FAM133A: variants seen among roughly 807,000 people sequenced by gnomAD.
The protein encoded by FAM133A is protein FAM133A.
For synonymous variants in FAM133A, 65 were observed against 58.6 expected, an observed-to-expected ratio of 1.11 and a Z score of -0.50; for missense variants, 159 against 164.4, an observed-to-expected ratio of 0.97 and a Z score of 0.18.
chrX:93,690,413 C>T (rs1925808930), intron 2 of FAM133A, among the ~76,000 whole-genome samples: 1 of 111,454 alleles, frequency 9.0e-6, no homozygotes, highest in Non-Finnish European at 1.9e-5. Flanking sequence ...AGCAAACACT[C>T]TTCTGTTTTC....
At chrX:93,685,023 G>A (rs889487815) in intron 2 of FAM133A, among the ~76,000 whole-genome samples, 1 of 111,735 alleles carries the variant, frequency 8.9e-6, no homozygotes, top group African/African-American at 3.3e-5. Flanking sequence ...TTTATGCATC[G>A]TTGTTCTTTC....
Position 93,709,842 on chromosome X carries a change from A to G in FAM133A, c.423A>G (p.Ser141=). ...AAAAGAAGAACCGTTCATACAAATC[A>G]TCCCAAAGCTCTACGCATGAATCAG... is the stretch of plus-strand genomic sequence containing the variant. ...RKKKKNRSYK[S]SQSSTHESES... is the part of the protein sequence containing the mutation. Residue 141 remains serine (S), a synonymous_variant, in exon 4 of 4, where the codon TCA becomes TCG. Transcript: ENST00000683942. 2 of 1,202,597 alleles carry G rather than the reference A, an allele frequency of 1.7e-6. No individual in the cohort carries two copies. Among genetic ancestry groups the G allele is most frequent in the Non-Finnish European group, 2.2e-6 (2 of 890,830 alleles).
chrX:93,686,923 G>A (rs913300305), intron 2 of FAM133A, among the ~76,000 whole-genome samples: 3 of 112,234 alleles, frequency 2.7e-5, no homozygotes, highest in African/African-American at 9.7e-5. Context: ...TCTGGCCTCA[G>A]CCTACTTTTC....
At position 93,709,943 on chromosome X, in the gene FAM133A, G is replaced by T. The variant is rs1307654892; in HGVS notation, c.524G>T (p.Ser175Ile). The T allele has an allele frequency of 1.3e-5, 16 of 1,187,133 alleles. No individual in the cohort carries two copies. The highest frequency in any genetic ancestry group is 1.8e-5 in the Non-Finnish European group (16 of 887,340). The change falls in exon 4 of 4, where the codon AGC becomes ATC. Residue 175 changes from serine (S) to isoleucine (I), a missense_variant. Ser to Ile is a moderately radical substitution (Grantham distance 142, BLOSUM62 -2). Transcript: ENST00000683942. ...DETEKEKDVR[S>I]LSKKRKKSYP... ...ACAGAGAAAGAAAAGGATGTAAGAAGCCTCAGCAAAAAAAGAAAGAAAAGT... is the reference window on the plus strand; with the variant it reads ...ACAGAGAAAGAAAAGGATGTAAGAATCCTCAGCAAAAAAAGAAAGAAAAGT...
At chrX:93,693,570 C>T (rs1304216925) in intron 2 of FAM133A, among the ~76,000 whole-genome samples, 1 of 110,609 alleles carries the variant, frequency 9.0e-6, no homozygotes, top group Non-Finnish European at 1.9e-5. Flanking sequence ...ATTTGATTTT[C>T]ACAAAAACCC....
At chrX:93,696,592 G>C (rs767171617) in intron 2 of FAM133A, among the ~76,000 whole-genome samples, 11 of 111,287 alleles carry the variant, frequency 9.9e-5, no homozygotes, top group African/African-American at 2.0e-4. Context: ...CGGGACATAG[G>C]GGGAGGGGAA....
At chrX:93,703,960 A>G (rs956736915) in intron 3 of FAM133A, among the ~76,000 whole-genome samples, 4 of 111,988 alleles carry the variant, frequency 3.6e-5, no homozygotes, top group African/African-American at 1.3e-4. Context: ...ATACATGAGA[A>G]GAACTGTTTC....
intron 3 of FAM133A, among the ~76,000 whole-genome samples, chrX:93,708,580 C>T (rs2223218): frequency 0.099 from 10,997 of 111,362 alleles, 432 homozygotes; most frequent in Middle Eastern, 0.14. Flanking sequence ...TTGAGTTTTA[C>T]TCTAATTCTC....
chrX:93,674,243 T>A lies in FAM133A; in HGVS notation c.-296T>A, dbSNP rs1470074521. On this transcript the variant is annotated 5_prime_UTR_variant, in exon 1 of 4. It introduces an in-frame stop codon into an upstream open reading frame of the 5' UTR. Transcript: ENST00000683942. The stretch of plus-strand genomic sequence containing the variant: ...TGATGTTTGGCAAGCCTGGTTTATA[T>A]CCATCTACAAGGTTTGCGAACCCAT... 1.8e-5 allele frequency: 2 copies of A among 111,171 alleles called. No individual in the cohort carries two copies. Among genetic ancestry groups the A allele is most frequent in the African/African-American group, 6.6e-5 (2 of 30,517 alleles). The allele number at this position is 111,171 out of a possible 1,213,427, so 9.2% of individuals were successfully genotyped here.
At position 93,709,409 on chromosome X, in the gene FAM133A, C is replaced by T; in HGVS notation, c.-11C>T. On this transcript the variant is annotated 5_prime_UTR_variant, in exon 4 of 4. Coordinates refer to ENST00000683942, the MANE Select transcript of FAM133A (RefSeq NM_001171109.2). ...GCAACTGAGAGTCTGCCCTTGGAAA[C>T]ATCAGGCACCATGGGGAAGCGGGAT... 8.8e-7 allele frequency: 1 copy of T among 1,140,839 alleles called. No homozygotes were observed. The highest frequency in any genetic ancestry group is 3.1e-5 in the East Asian group (1 of 31,821). The allele number at this position is 1,140,839 out of a possible 1,213,427, so 94.0% of individuals were successfully genotyped here.
intron 2 of FAM133A, among the ~76,000 whole-genome samples, chrX:93,694,539 GAC>G (rs1485990926): frequency 4.5e-5 from 5 of 111,431 alleles, no homozygotes; most frequent in Non-Finnish European, 9.4e-5. Context: ...GTCTGAAGGA[GAC>G]ACAAATAGAC....
Position 93,691,077 on chromosome X carries a change from G to T in FAM133A, c.-192-7320G>T, listed in dbSNP as rs774514855. Reference sequence around the variant, plus strand: ...TTTTCAAATATTCTGGATATGATCAGATATATGATTTGCAATATTTTCTCT... The same window carrying T: ...TTTTCAAATATTCTGGATATGATCATATATATGATTTGCAATATTTTCTCT... On this transcript the variant is annotated intron_variant, in intron 2 of 3. Transcript: ENST00000683942. Among the ~76,000 whole-genome samples the T allele has an allele frequency of 6.9e-4, 77 of 111,686 alleles. 2 individuals carry two copies. The East Asian group carries it at 0.01, about 15-fold the overall frequency.
In FAM133A at chrX:93,711,667, T is replaced by C. The variant is rs1211188068; in HGVS notation, c.*1501T>C. On this transcript the variant is annotated 3_prime_UTR_variant, in exon 4 of 4. Coordinates refer to ENST00000683942, the MANE Select transcript of FAM133A (RefSeq NM_001171109.2). Reference sequence around the variant, plus strand: ...CTACCTTCAATCACAAGTAAAATTATAAAGATAAAAAACATCTACATAAAC... The same window carrying C: ...CTACCTTCAATCACAAGTAAAATTACAAAGATAAAAAACATCTACATAAAC... 1 of 122,378 alleles carries C rather than the reference T, an allele frequency of 8.2e-6. No homozygotes were observed. Among genetic ancestry groups the C allele is most frequent in the African/African-American group, 3.3e-5 (1 of 30,611 alleles). 10.1% of individuals were successfully genotyped at this position (122,378 alleles called of 1,213,427 possible). A position where few individuals can be genotyped will look rare whatever the true frequency, so the allele number is the denominator to read the frequency against.
chrX:93,697,834 G>A (rs995852090), intron 2 of FAM133A, among the ~76,000 whole-genome samples: 1 of 111,367 alleles, frequency 9.0e-6, no homozygotes, highest in African/African-American at 3.3e-5. Flanking sequence ...AGTTTTTGTT[G>A]GCAATCAAAG....
intron 2 of FAM133A, among the ~76,000 whole-genome samples, chrX:93,687,546 A>C (rs1378669705): frequency 8.9e-6 from 1 of 111,929 alleles, no homozygotes; most frequent in Admixed American, 9.5e-5. Context: ...TAATGGTTAT[A>C]CATATTTACG....
At chrX:93,682,382 A>AT (rs1171652163) in intron 2 of FAM133A, among the ~76,000 whole-genome samples, 1 of 111,962 alleles carries the variant, frequency 8.9e-6, no homozygotes, top group Non-Finnish European at 1.9e-5. Context: ...AGTGTATTAC[A>AT]TTTTTGTGAG....
chrX:93,683,259 A>G (rs748252790), intron 2 of FAM133A, among the ~76,000 whole-genome samples: 1 of 112,024 alleles, frequency 8.9e-6, no homozygotes, highest in Non-Finnish European at 1.9e-5. Flanking sequence ...TCTAAAGGAC[A>G]GTATTTTAGA....
chrX:93,696,132 T>C (rs1263430726), intron 2 of FAM133A, among the ~76,000 whole-genome samples: 1 of 111,769 alleles, frequency 8.9e-6, no homozygotes, highest in East Asian at 2.8e-4. Flanking sequence ...GTTCTAAGCC[T>C]GTGATTGGTC....
chrX:93,677,036 G>GT (rs1385001068), intron 2 of FAM133A, among the ~76,000 whole-genome samples: 1 of 108,293 alleles, frequency 9.2e-6, no homozygotes, highest in African/African-American at 3.3e-5. Flanking sequence ...TATCCTATTT[G>GT]TTCTACTGTG....
Sources: gnomAD v4.1 joint callset for allele counts (sites outside exome capture counted in the v4.1 genomes callset) on GRCh38, gnomAD v4.1.1 for gene constraint, MANE v1.5 for transcripts, NCBI Gene and HGNC (gene_info 2026-07-23, HGNC 2026-07-21) for gene names.